Variants in IRS1 observed in about 807,000 individuals in gnomAD.
The protein encoded by IRS1 is insulin receptor substrate 1.
In IRS1, 34 loss-of-function variants were observed where a neutral mutation model predicts 65.6. The observed-to-expected ratio is 0.52, with a 90% CI of 0.39 to 0.69. The LOEUF is 0.69. IRS1 is among the 30% of genes least tolerant of loss of function. IRS1 has a pLI of 0.00. For missense variants in IRS1, 1,641 were observed against 1,720.2 expected, an observed-to-expected ratio of 0.95 and a Z score of 0.81; for synonymous variants, 699 against 683.5, an observed-to-expected ratio of 1.02 and a Z score of -0.35.
Position 226,797,375 on chromosome 2 carries a change from G to C in IRS1, c.1364C>G (p.Pro455Arg). The C allele has an allele frequency of 6.2e-7, 1 of 1,613,018 alleles. No homozygotes were observed. Among genetic ancestry groups the C allele is most frequent in the Non-Finnish European group, 8.5e-7 (1 of 1,179,726 alleles). Residue 455 changes from proline to arginine, a missense_variant, in exon 1 of 2, where the codon CCA (proline) becomes CGA (arginine). By Grantham distance (103) the Pro-to-Arg change is moderately radical (BLOSUM62 -2). Transcript: ENST00000305123. The surrounding 1 kb of genome is among the most constrained non-coding windows in gnomAD (Gnocchi z 8.1). ...VTPDSLGHTP[P>R]ARGEEELSNY... ...GCTTAGCTCCTCCTCACCGCGGGCTGGTGGGGTGTGGCCCAGGGAATCCGG... is the reference window on the plus strand; with the variant it reads ...GCTTAGCTCCTCCTCACCGCGGGCTCGTGGGGTGTGGCCCAGGGAATCCGG...
At chr2:226,742,717 A>AC (rs1199279741) in intron 1 of IRS1, among the ~76,000 whole-genome samples, 1 of 151,846 alleles carries the variant, frequency 6.6e-6, no homozygotes, top group Non-Finnish European at 1.5e-5. Context: ...CATTATGAAA[A>AC]AAAAAAAAAA....
chr2:226,772,179 C>G (rs920805340), intron 1 of IRS1, among the ~76,000 whole-genome samples: 2 of 152,120 alleles, frequency 1.3e-5, no homozygotes, highest in Non-Finnish European at 2.9e-5. Context: ...AAAAGCACCC[C>G]TATGTTCTAA....
At chr2:226,760,620 A>AC (rs1348381080) in intron 1 of IRS1, among the ~76,000 whole-genome samples, 2 of 151,052 alleles carry the variant, frequency 1.3e-5, no homozygotes, top group Non-Finnish European at 2.9e-5. Context: ...CCTCAACCCC[A>AC]CCCCCCTCCA....
At chr2:226,790,204 T>A (rs1574661099) in intron 1 of IRS1, among the ~76,000 whole-genome samples, 1 of 152,194 alleles carries the variant, frequency 6.6e-6, no homozygotes, top group East Asian at 1.9e-4. Flanking sequence ...ATTAAGTGAC[T>A]TGCCCAAGGT....
At chr2:226,767,975 C>T (rs1939088242) in intron 1 of IRS1, among the ~76,000 whole-genome samples, 1 of 152,182 alleles carries the variant, frequency 6.6e-6, no homozygotes, top group South Asian at 2.1e-4. Context: ...AAGCAACTTC[C>T]CATGGCCTAT....
At position 226,732,372 on chromosome 2, in the gene IRS1, C is replaced by G. The variant is rs1390579055; in HGVS notation, c.*3900G>C. On this transcript the variant is annotated 3_prime_UTR_variant, in exon 2 of 2. Transcript: ENST00000305123. ...TTTTTGTTCTCCATAACTGAGCTCACAGTCTAGAGGTCTTTTAGTCTTGGC... is the reference window on the plus strand; with the variant it reads ...TTTTTGTTCTCCATAACTGAGCTCAGAGTCTAGAGGTCTTTTAGTCTTGGC... The G allele has an allele frequency of 6.6e-6, 1 of 151,734 alleles. No homozygotes were observed. The highest frequency in any genetic ancestry group is 1.5e-5 in the Non-Finnish European group (1 of 67,982). 9.4% of individuals were successfully genotyped at this position (151,734 alleles called of 1,614,324 possible). A position where few individuals can be genotyped will look rare whatever the true frequency, so the allele number is the denominator to read the frequency against.
In IRS1 at chr2:226,796,370, C is replaced by G; in HGVS notation, c.2369G>C (p.Arg790Pro). 1.2e-6 allele frequency: 2 copies of G among 1,613,346 alleles called. No homozygotes were observed. Among genetic ancestry groups the G allele is most frequent in the Non-Finnish European group, 1.7e-6 (2 of 1,180,034 alleles). ...PEEGARHQHL[R>P]LSTSSGRLLY... Reference sequence around the variant, plus strand: ...AAGGCGACCAGAGCTAGTGGAAAGGCGGAGGTGCTGATGCCGGGCACCCTC... The same window carrying G: ...AAGGCGACCAGAGCTAGTGGAAAGGGGGAGGTGCTGATGCCGGGCACCCTC... Residue 790 changes from arginine to proline, a missense_variant, in exon 1 of 2, where the codon CGC (arginine) becomes CCC (proline). Arg to Pro is a moderately radical substitution (Grantham distance 103). Transcript: ENST00000305123.
chr2:226,762,294 T>C (rs1448312312), intron 1 of IRS1, among the ~76,000 whole-genome samples: 1 of 147,150 alleles, frequency 6.8e-6, no homozygotes, highest in Non-Finnish European at 1.5e-5. Context: ...TGACAATTAA[T>C]AGACAGACAG....
intron 1 of IRS1, among the ~76,000 whole-genome samples, chr2:226,756,149 G>C (rs1209481643): frequency 6.6e-6 from 1 of 152,150 alleles, no homozygotes; most frequent in African/African-American, 2.4e-5. Flanking sequence ...AGTAAGTTCA[G>C]GCAGATACAA....
intron 1 of IRS1, among the ~76,000 whole-genome samples, chr2:226,737,873 A>AC (rs1275228213): frequency 2.6e-5 from 4 of 152,236 alleles, no homozygotes; most frequent in South Asian, 2.1e-4. Context: ...ACGTGGTAGT[A>AC]CTTAATAAAT....
Sources: allele counts gnomAD v4.1 joint callset (sites outside exome capture counted in the v4.1 genomes callset), GRCh38; gene constraint gnomAD v4.1.1; non-coding constraint Gnocchi (gnomAD v3.1); transcripts MANE v1.5; gene names NCBI Gene and HGNC (gene_info 2026-07-23, HGNC 2026-07-21).